Variants in PSMA1 observed in about 807,000 individuals in gnomAD.
PSMA1 encodes proteasome 20S subunit alpha 1.
In PSMA1, 3 loss-of-function variants were observed where a neutral mutation model predicts 38.4. That is an observed-to-expected ratio of 0.08 (90% CI 0.04 to 0.20). The LOEUF (loss-of-function observed/expected upper bound fraction) is 0.20. Among genes scored for constraint, PSMA1 ranks in the 10% least tolerant of loss-of-function variants. The pLI is 1.00. For synonymous variants in PSMA1, 101 were observed against 107.1 expected, an observed-to-expected ratio of 0.94 and a Z score of 0.35; for missense variants, 227 against 325.3, an observed-to-expected ratio of 0.70 and a Z score of 2.32.
At chr11:14,575,399 TC>T (rs1443136994) in intron 2 of PSMA1, among the ~76,000 whole-genome samples, 1 of 152,026 alleles carries the variant, frequency 6.6e-6, no homozygotes, top group East Asian at 1.9e-4. Flanking sequence ...CCTAATGCTA[TC>T]CCTCCCCCCT....
chr11:14,511,518 T>C (rs932346971), intron 7 of PSMA1, among the ~76,000 whole-genome samples: 14 of 151,004 alleles, frequency 9.3e-5, no homozygotes, highest in Non-Finnish European at 1.5e-4. Context: ...TGAAAGTCAG[T>C]GTAATTTTCA....
At chr11:14,558,100 G>A (rs2134171830) in intron 2 of PSMA1, among the ~76,000 whole-genome samples, 1 of 152,028 alleles carries the variant, frequency 6.6e-6, no homozygotes, top group Admixed American at 6.5e-5. Flanking sequence ...TTCTGCAAGT[G>A]GAAGGATAAT....
intron 2 of PSMA1, among the ~76,000 whole-genome samples, 177 bp downstream of exon 2, chr11:14,518,820 T>C (rs1477925800): frequency 6.6e-6 from 1 of 152,198 alleles, no homozygotes; most frequent in African/African-American, 2.4e-5. Flanking sequence ...CTTATTTCAC[T>C]TAACATAATG....
chr11:14,519,075 A>T, intron 1 of PSMA1, 34 bp from the exon 2 acceptor site: 1 of 1,481,154 alleles, frequency 6.8e-7, no homozygotes, highest in Non-Finnish European at 9.4e-7. Context: ...CTGTTAATAG[A>T]AGAACATTTC....
intron 2 of PSMA1, among the ~76,000 whole-genome samples, chr11:14,566,658 A>G (rs1346665956): frequency 6.6e-6 from 1 of 152,218 alleles, no homozygotes; most frequent in East Asian, 1.9e-4. Flanking sequence ...TTTTATTTCA[A>G]TAATCAGAAC....
chr11:14,636,125 T>C (rs925320867), intron 1 of PSMA1, among the ~76,000 whole-genome samples: 1 of 152,210 alleles, frequency 6.6e-6, no homozygotes, highest in Admixed American at 6.5e-5. Context: ...AGCTTTTTCC[T>C]GGCTAAACTT....
chr11:14,604,622 A>G (rs1852620460), intron 2 of PSMA1, among the ~76,000 whole-genome samples: 1 of 152,168 alleles, frequency 6.6e-6, no homozygotes, highest in Non-Finnish European at 1.5e-5. Context: ...ACCTGAATAT[A>G]TTATGTGATG....
intron 2 of PSMA1, among the ~76,000 whole-genome samples, chr11:14,567,954 T>C (rs567615649): frequency 1.3e-5 from 2 of 152,292 alleles, no homozygotes; most frequent in African/African-American, 4.8e-5. Flanking sequence ...GAGTTCAGTG[T>C]TAATAAATCA....
intron 2 of PSMA1, among the ~76,000 whole-genome samples, chr11:14,575,645 C>A (rs1169255554): frequency 2.0e-5 from 3 of 152,182 alleles, no homozygotes; most frequent in East Asian, 1.9e-4. Context: ...ACATTTTCTT[C>A]ATCCAGTCTA....
chr11:14,548,375 C>G (rs995790125), intron 2 of PSMA1, among the ~76,000 whole-genome samples: 2 of 152,046 alleles, frequency 1.3e-5, no homozygotes, highest in Non-Finnish European at 2.9e-5. Context: ...CTTCAGACTT[C>G]TTGGTATATG....
chr11:14,545,992 C>T (rs12417557), intron 2 of PSMA1, among the ~76,000 whole-genome samples: 10,025 of 152,232 alleles, frequency 0.066, 384 homozygotes, highest in East Asian at 0.11. Flanking sequence ...AGTTCATGCA[C>T]ACCCTGAATT....
At chr11:14,615,409 A>G (rs1852760069) in intron 1 of PSMA1, among the ~76,000 whole-genome samples, 1 of 152,232 alleles carries the variant, frequency 6.6e-6, no homozygotes, top group Non-Finnish European at 1.5e-5. Flanking sequence ...ACAGTGGGAC[A>G]CGCTGAAAGA....
intron 2 of PSMA1, among the ~76,000 whole-genome samples, chr11:14,526,018 C>T (rs1461609693): frequency 6.6e-6 from 1 of 152,170 alleles, no homozygotes; most frequent in Admixed American, 6.5e-5. Context: ...GTATCCCCCT[C>T]CAAAGCTCAA....
chr11:14,553,332 T>C (rs1398983144), intron 2 of PSMA1, among the ~76,000 whole-genome samples: 2 of 152,134 alleles, frequency 1.3e-5, no homozygotes, highest in Admixed American at 6.6e-5. Flanking sequence ...ATTTCACCAG[T>C]TTTTACCTAT....
At chr11:14,636,433 A>G (rs1336944053) in intron 1 of PSMA1, among the ~76,000 whole-genome samples, 1 of 151,976 alleles carries the variant, frequency 6.6e-6, no homozygotes, top group Non-Finnish European at 1.5e-5. Context: ...CATTCTTTTG[A>G]GCAATTCTTT....
chr11:14,583,355 T>C (rs1184016206), intron 2 of PSMA1, among the ~76,000 whole-genome samples: 3 of 152,204 alleles, frequency 2.0e-5, no homozygotes, highest in Admixed American at 6.5e-5. Context: ...TCCAGTGAAC[T>C]TGGCTCAATT....
At chr11:14,530,967 A>C (rs573091381) in intron 2 of PSMA1, among the ~76,000 whole-genome samples, 2 of 152,070 alleles carry the variant, frequency 1.3e-5, no homozygotes, top group Admixed American at 1.3e-4. Context: ...AATAATTTCA[A>C]ATAATTTACA....
intron 2 of PSMA1, among the ~76,000 whole-genome samples, chr11:14,548,468 A>C (rs1390115734): frequency 6.6e-6 from 1 of 152,208 alleles, no homozygotes; most frequent in Non-Finnish European, 1.5e-5. Context: ...ATGTATGTAT[A>C]TATACACATG....
At chr11:14,590,501 A>G (rs1473815951) in intron 2 of PSMA1, among the ~76,000 whole-genome samples, 2 of 152,208 alleles carry the variant, frequency 1.3e-5, no homozygotes, top group Non-Finnish European at 2.9e-5. Flanking sequence ...TGCTGCTAAG[A>G]AAAAGATGAG....
Sources: gnomAD v4.1 joint callset for allele counts (sites outside exome capture counted in the v4.1 genomes callset) on GRCh38, gnomAD v4.1.1 for gene constraint, MANE v1.5 for transcripts, NCBI Gene and HGNC (gene_info 2026-07-23, HGNC 2026-07-21) for gene names.